Variants in EGLN3 observed in about 807,000 individuals in gnomAD.
EGLN3 encodes the protein egl-9 family hypoxia inducible factor 3, also known as prolyl hydroxylase EGLN3.
Under a neutral mutation model 26.0 loss-of-function variants are expected in EGLN3, and 15 were observed. That is an observed-to-expected ratio of 0.58 (90% CI 0.39 to 0.89). The LOEUF (loss-of-function observed/expected upper bound fraction) is 0.89, where lower values mean the gene tolerates loss of function less well. EGLN3 is among the 40% of genes least tolerant of loss of function. The pLI is 0.00. For missense variants in EGLN3, 238 were observed against 311.6 expected, an observed-to-expected ratio of 0.76 and a Z score of 1.78; for synonymous variants, 147 against 127.2, an observed-to-expected ratio of 1.16 and a Z score of -1.05.
intron 1 of EGLN3, among the ~76,000 whole-genome samples, chr14:33,943,434 G>A (rs138188966): frequency 1.1e-4 from 16 of 152,276 alleles, no homozygotes; most frequent in South Asian, 2.1e-4. Flanking sequence ...AGCGACACCC[G>A]TTTCTTAGAG....
At chr14:33,931,436 A>G (rs1326384915) in intron 1 of EGLN3, 9 of 559,772 alleles carry the variant, frequency 1.6e-5, no homozygotes, top group Non-Finnish European at 2.8e-5. Context: ...TAGTTCAACA[A>G]TATTCCCACA....
intron 1 of EGLN3, among the ~76,000 whole-genome samples, chr14:33,939,595 G>A (rs148505991): frequency 2.3e-4 from 35 of 152,290 alleles, no homozygotes; most frequent in African/African-American, 7.2e-4. Flanking sequence ...ATGACACACA[G>A]CAAGTTAGCG....
chr14:33,928,300 G>T (rs1352859415), intron 3 of EGLN3, among the ~76,000 whole-genome samples: 2 of 152,020 alleles, frequency 1.3e-5, no homozygotes, highest in Non-Finnish European at 2.9e-5. Context: ...GGCTTGTTAG[G>T]GTTTAATCAT....
At chr14:33,928,358 A>G (rs2064377122) in intron 3 of EGLN3, among the ~76,000 whole-genome samples, 1 of 152,178 alleles carries the variant, frequency 6.6e-6, no homozygotes, top group South Asian at 2.1e-4. Context: ...TAGTCTCAGT[A>G]TAAGCTGCAC....
intron 1 of EGLN3, among the ~76,000 whole-genome samples, chr14:33,941,684 T>C (rs1455100649): frequency 1.3e-5 from 2 of 152,144 alleles, no homozygotes; most frequent in Admixed American, 6.5e-5. Context: ...ACTAAAAGTA[T>C]ATACAAAGCT....
In EGLN3 at chr14:33,925,696, A is replaced by G. The variant is rs1303152654; in HGVS notation, c.*195T>C. On this transcript the variant is annotated 3_prime_UTR_variant, in exon 5 of 5. Transcript: ENST00000250457. The stretch of plus-strand genomic sequence containing the variant: ...AGTTAGCAAGTAACTTCATCTGGCA[A>G]AGAGAGTATCTGAAGATCAACACAG... 7 of 630,814 alleles carry G rather than the reference A, an allele frequency of 1.1e-5. No individual in the cohort carries two copies. Among genetic ancestry groups the G allele is most frequent in the Non-Finnish European group, 1.6e-5 (6 of 366,606 alleles). 39.1% of individuals were successfully genotyped at this position (630,814 alleles called of 1,614,324 possible).
At chr14:33,927,706 A>G (rs2064372122) in intron 3 of EGLN3, among the ~76,000 whole-genome samples, 1 of 152,250 alleles carries the variant, frequency 6.6e-6, no homozygotes, top group Admixed American at 6.5e-5. Flanking sequence ...ATTCTGCTAA[A>G]GACTGGGAGA....
Position 33,947,723 on chromosome 14 carries a change from T to C in EGLN3, c.357+2673A>G, listed in dbSNP as rs2064527733. Among the ~76,000 whole-genome samples, 5 of 152,336 alleles carry C rather than the reference T, an allele frequency of 3.3e-5. No homozygotes were observed. The South Asian group carries it at 1.0e-3, about 32-fold the overall frequency. ...TCATTATATTAGCCTCTTATGTTTA[T>C]GTATGTTTGAAAATTTCCTTAATTA... On this transcript the variant is annotated intron_variant, in intron 1 of 4. Transcript: ENST00000250457.
rs998205910 is a variant in EGLN3, at chr14:33,926,440, G to A, written c.689-518C>T. On this transcript the variant is annotated intron_variant, in intron 4 of 4. Coordinates refer to ENST00000250457, the MANE Select transcript of EGLN3 (RefSeq NM_022073.4). ...AACATTTCCCACATTTTTGGGACCA[G>A]GAATTTACCAAATTGGCAGGATTTG... is the stretch of plus-strand genomic sequence containing the variant. 2.6e-5 allele frequency among the ~76,000 whole-genome samples: 4 copies of A among 152,162 alleles called. No homozygotes were observed. The East Asian group carries it at 7.7e-4, about 29-fold the overall frequency.
At chr14:33,927,173 A>ATTTATTTC in intron 3 of EGLN3, 140 bp from the exon 4 acceptor site, 1 of 241,704 alleles carries the variant, frequency 4.1e-6, no homozygotes, top group Non-Finnish European at 7.3e-6. Flanking sequence ...TTATTTATTT[A>ATTTATTTC]TTTATTTATT....
intron 1 of EGLN3, among the ~76,000 whole-genome samples, chr14:33,934,713 C>T (rs543235474): frequency 8.3e-4 from 127 of 152,250 alleles, no homozygotes; most frequent in Non-Finnish European, 1.5e-3. Context: ...CACTTCTCTG[C>T]TAACAGTTGC....
chr14:33,929,093 C>T lies in EGLN3; in HGVS notation c.597G>A (p.Gln199=). The T allele has an allele frequency of 6.2e-7, 1 of 1,613,988 alleles. No homozygotes were observed. Among genetic ancestry groups the T allele is most frequent in the Non-Finnish European group, 8.5e-7 (1 of 1,180,004 alleles). The part of the protein sequence containing the change: ...WSDRRNPHEV[Q]PSYATRYAMT... ...GCTATTACCTGGTTGCGTAAGAGGG[C>T]TGCACTTCGTGTGGGTTCCTACGAT... The change falls in exon 3 of 5, where the codon CAG becomes CAA. Residue 199 remains glutamine (Q), a synonymous_variant. Coordinates refer to ENST00000250457, the MANE Select transcript of EGLN3 (RefSeq NM_022073.4).
chr14:33,928,222 A>T (rs967169212), intron 3 of EGLN3, among the ~76,000 whole-genome samples: 1 of 152,154 alleles, frequency 6.6e-6, no homozygotes. Flanking sequence ...GGCAGTTAAT[A>T]TATAACTGGG....
intron 2 of EGLN3, among the ~76,000 whole-genome samples, chr14:33,930,754 G>A (rs965815874): frequency 1.3e-5 from 2 of 152,130 alleles, no homozygotes; most frequent in African/African-American, 4.8e-5. Context: ...AGGGAAAAGT[G>A]TATATCCTAT....
chr14:33,936,208 C>T lies in EGLN3; in HGVS notation c.358-4993G>A, dbSNP rs192056562. Among the ~76,000 whole-genome samples, 137 of 109,174 alleles carry T rather than the reference C, an allele frequency of 1.3e-3. 1 individual carries two copies. Among genetic ancestry groups the T allele is most frequent in the African/African-American group, 4.0e-3 (121 of 29,972 alleles). The allele number at this position is 109,174 out of a possible 152,430, so 71.6% of individuals were successfully genotyped here. A position where few individuals can be genotyped will look rare whatever the true frequency, so the allele number is the denominator to read the frequency against. On this transcript the variant is annotated intron_variant, in intron 1 of 4. Transcript: ENST00000250457. Reference sequence around the variant, plus strand: ...TCGCACCACTGCACTCCAGCCTGGGCGACAGAGCGAGATGCTGTCTCAAAA... The same window carrying T: ...TCGCACCACTGCACTCCAGCCTGGGTGACAGAGCGAGATGCTGTCTCAAAA...
intron 4 of EGLN3, 150 bp from the exon 5 acceptor site, chr14:33,926,072 C>T (rs1211274272): frequency 1.3e-6 from 1 of 751,754 alleles, no homozygotes; most frequent in Non-Finnish European, 2.2e-6. Context: ...TCTCTCTTGA[C>T]TTTGCAATGG....
chr14:33,940,177 C>T (rs1025488889), intron 1 of EGLN3, among the ~76,000 whole-genome samples: 1 of 152,160 alleles, frequency 6.6e-6, no homozygotes, highest in Admixed American at 6.5e-5. Context: ...TGCAGGTCAA[C>T]CTCAAGCCCA....
chr14:33,934,519 A>T (rs928378053), intron 1 of EGLN3, among the ~76,000 whole-genome samples: 23 of 152,188 alleles, frequency 1.5e-4, no homozygotes, highest in Admixed American at 5.2e-4. Flanking sequence ...GTTGAAAAAT[A>T]AAAGTCCAGG....
intron 3 of EGLN3, among the ~76,000 whole-genome samples, chr14:33,927,410 C>T (rs1453333181): frequency 1.3e-5 from 2 of 152,098 alleles, no homozygotes; most frequent in Non-Finnish European, 2.9e-5. Context: ...CTGCCCACCT[C>T]GGCCTCCCAA....
Sources: allele counts gnomAD v4.1 joint callset (sites outside exome capture counted in the v4.1 genomes callset), GRCh38; gene constraint gnomAD v4.1.1; transcripts MANE v1.5; gene names NCBI Gene and HGNC (gene_info 2026-07-23, HGNC 2026-07-21).